Variants in ZNF536 observed in about 807,000 individuals in gnomAD.
The protein encoded by ZNF536 is zinc finger protein 536.
In ZNF536, 13 loss-of-function variants were observed where a neutral mutation model predicts 84.5. The ratio of observed to expected loss-of-function variants is 0.15; its 90% confidence interval spans 0.10 to 0.24. The LOEUF (loss-of-function observed/expected upper bound fraction) is 0.24, where lower values mean the gene tolerates loss of function less well. ZNF536 is among the 10% of genes least tolerant of loss of function. The pLI is 1.00. For missense variants in ZNF536, 1,536 were observed against 1,747.5 expected (o/e 0.88, Z 2.16); for synonymous variants, 811 against 742.5 (o/e 1.09, Z -1.50).
chr19:30,639,438 T>G (rs1226708667), intron 1 of ZNF536, among the ~76,000 whole-genome samples: 3 of 152,192 alleles, frequency 2.0e-5, no homozygotes, highest in African/African-American at 7.2e-5. Context: ...TGTTTTACCC[T>G]CATAGCACTT....
intron 1 of ZNF536, among the ~76,000 whole-genome samples, chr19:30,430,275 C>A (rs2051396760): frequency 6.6e-6 from 1 of 152,204 alleles, no homozygotes; most frequent in Non-Finnish European, 1.5e-5. Context: ...TTCATCCATT[C>A]ATTCATTTGT....
chr19:30,448,162 CTTCT>C (rs1056896916), intron 2 of ZNF536, among the ~76,000 whole-genome samples: 10 of 152,176 alleles, frequency 6.6e-5, no homozygotes, highest in Admixed American at 5.9e-4. Flanking sequence ...TTCTGGTTGA[CTTCT>C]TTGTTTTCTT....
intron 2 of ZNF536, among the ~76,000 whole-genome samples, chr19:30,345,243 TC>T (rs3081846): frequency 6.6e-6 from 1 of 151,846 alleles, no homozygotes; most frequent in Non-Finnish European, 1.5e-5. Context: ...CCCCGGGGGC[TC>T]CCCCCAGCAT....
At chr19:30,617,894 G>T (rs1490152543) in intron 1 of ZNF536, among the ~76,000 whole-genome samples, 2 of 152,108 alleles carry the variant, frequency 1.3e-5, no homozygotes, top group Non-Finnish European at 2.9e-5. Context: ...CTTAAGCATG[G>T]TTCTGTACTA....
intron 1 of ZNF536, among the ~76,000 whole-genome samples, chr19:30,583,154 TC>T (rs1004823322): frequency 6.6e-6 from 1 of 152,148 alleles, no homozygotes; most frequent in African/African-American, 2.4e-5. Context: ...CACTAGGTAG[TC>T]CCCATGGGCC....
chr19:30,502,226 GA>G (rs1226959769), intron 2 of ZNF536, among the ~76,000 whole-genome samples: 3 of 152,178 alleles, frequency 2.0e-5, no homozygotes, highest in African/African-American at 7.2e-5. Flanking sequence ...AATGGGAATG[GA>G]ACTGCATGTT....
intron 1 of ZNF536, among the ~76,000 whole-genome samples, chr19:30,603,546 T>A (rs936694560): frequency 6.6e-6 from 1 of 152,206 alleles, no homozygotes; most frequent in South Asian, 2.1e-4. Context: ...ATTGCTACTA[T>A]TATCTTATTG....
chr19:30,548,134 A>G lies in ZNF536; in HGVS notation c.2515A>G (p.Arg839Gly). ...ASLFIRPDIL[R>G]GAFKGLPGID... ...TCTGTTCATCAGGCCAGACATCCTG[A>G]GGGGGGCCTTCAAGGGTCTCCCTGG... Residue 839 changes from arginine to glycine, a missense_variant, in exon 4 of 5, where the codon AGG becomes GGG. By Grantham distance (125) the Arg-to-Gly change is moderately radical. Coordinates refer to ENST00000355537, the MANE Select transcript of ZNF536 (RefSeq NM_014717.3). The G allele has an allele frequency of 6.2e-7, 1 of 1,614,046 alleles. No individual in the cohort carries two copies. The highest frequency in any genetic ancestry group is 8.5e-7 in the Non-Finnish European group (1 of 1,179,970).
rs553816758 is a variant in ZNF536 at position 30,691,404 on chromosome 19, G to A, written c.170-19353G>A. ...ATACTAAAAATCAACTTGTCACCGA[G>A]ACATTCCTCAACTGTTAATCAAATT... On this transcript the variant is annotated intron_variant, in intron 1 of 1. Coordinates refer to the ZNF536 transcript ENST00000592773. 6.1e-4 allele frequency among the ~76,000 whole-genome samples: 87 copies of A among 142,484 alleles called. 1 individual carries two copies. The highest frequency in any genetic ancestry group is 2.2e-3 in the African/African-American group (86 of 39,702). 93.5% of individuals were successfully genotyped at this position (142,484 alleles called of 152,430 possible).
rs930271240 is a variant in ZNF536, at chr19:30,553,521, T to G, written c.3896-3636T>G. Among the ~76,000 whole-genome samples, 3 of 152,198 alleles carry G rather than the reference T, an allele frequency of 2.0e-5. 1 individual carries two copies. Among genetic ancestry groups the G allele is most frequent in the East Asian group, 1.9e-4 (1 of 5,190 alleles). ...CCCAGTCAGGCTTTGCACTGTGTCC[T>G]TTGGTGGACCCAGGGGTAGGCAGGA... On this transcript the variant is annotated intron_variant, in intron 4 of 4. Coordinates refer to ENST00000355537, the MANE Select transcript of ZNF536 (RefSeq NM_014717.3).
intron 1 of ZNF536, among the ~76,000 whole-genome samples, chr19:30,278,700 T>G (rs1439113959): frequency 1.3e-5 from 2 of 152,068 alleles, no homozygotes; most frequent in Non-Finnish European, 2.9e-5. Flanking sequence ...GTCTCACTGC[T>G]TTGTCATGGA....
At chr19:30,599,797 G>A (rs547021511) in intron 1 of ZNF536, among the ~76,000 whole-genome samples, 3 of 152,308 alleles carry the variant, frequency 2.0e-5, no homozygotes, top group South Asian at 2.1e-4. Context: ...GGTTTTCCCT[G>A]GCAACCTTGA....
intron 2 of ZNF536, among the ~76,000 whole-genome samples, chr19:30,302,927 C>A (rs912954646): frequency 6.6e-6 from 1 of 152,144 alleles, no homozygotes. Flanking sequence ...TCCCTTTTTA[C>A]CCCCTGCTGA....
chr19:30,633,348 C>T lies in ZNF536; in HGVS notation c.170-77409C>T, dbSNP rs192381304. Among the ~76,000 whole-genome samples the T allele has an allele frequency of 2.6e-5, 4 of 152,238 alleles. No individual in the cohort carries two copies. In the East Asian group the frequency reaches 5.8e-4, roughly 22 times the overall value. On this transcript the variant is annotated intron_variant, in intron 1 of 1. Coordinates refer to the ZNF536 transcript ENST00000592773. ...CAAAGAGGAGTTATGGTTTTAAATA[C>T]GACGTGGGAAGATTGAATTAATCTG...
chr19:30,641,602 C>T (rs952487771), intron 1 of ZNF536, among the ~76,000 whole-genome samples: 4 of 152,130 alleles, frequency 2.6e-5, no homozygotes, highest in Non-Finnish European at 5.9e-5. Flanking sequence ...TGTCTTTGAA[C>T]ATAAAGGCAG....
At chr19:30,261,733 G>A (rs1447076860) in intron 1 of ZNF536, among the ~76,000 whole-genome samples, 1 of 150,930 alleles carries the variant, frequency 6.6e-6, no homozygotes, top group African/African-American at 2.4e-5. Context: ...AGAAAAGTGA[G>A]TTGATTTAAA....
At chr19:30,309,767 G>C (rs1474608571) in intron 2 of ZNF536, among the ~76,000 whole-genome samples, 2 of 152,226 alleles carry the variant, frequency 1.3e-5, no homozygotes, top group East Asian at 3.8e-4. Flanking sequence ...AGTTTATTAA[G>C]GGTGGAACAA....
intron 2 of ZNF536, among the ~76,000 whole-genome samples, chr19:30,470,088 C>T (rs1440897041): frequency 6.6e-6 from 1 of 152,190 alleles, no homozygotes; most frequent in Non-Finnish European, 1.5e-5. Context: ...CCAGGTGAGT[C>T]CTGAGGGAGG....
intron 1 of ZNF536, among the ~76,000 whole-genome samples, chr19:30,431,375 AGC>A (rs1399254232): frequency 1.3e-5 from 2 of 152,202 alleles, no homozygotes; most frequent in Non-Finnish European, 1.5e-5. Context: ...TGTTAGCCTC[AGC>A]GCAGAAATTG....
Sources: allele counts gnomAD v4.1 joint callset (sites outside exome capture counted in the v4.1 genomes callset), GRCh38; gene constraint gnomAD v4.1.1; transcripts MANE v1.5; gene names NCBI Gene and HGNC (gene_info 2026-07-23, HGNC 2026-07-21).